Variants in VPS13B observed in about 807,000 individuals in gnomAD.
The protein encoded by VPS13B is intermembrane lipid transfer protein VPS13B.
Under a neutral mutation model 426.4 loss-of-function variants are expected in VPS13B, and 285 were observed. That is an observed-to-expected ratio of 0.67 (90% CI 0.61 to 0.74). The LOEUF is 0.74. VPS13B is among the 30% of genes least tolerant of loss of function. The pLI, the probability that VPS13B is intolerant of heterozygous loss-of-function variation, is 0.00. For missense variants in VPS13B, 4,537 were observed against 4,782.6 expected (o/e 0.95, Z 1.51); for synonymous variants, 1,676 against 1,676.4 (o/e 1.00, Z 0.01).
intron 25 of VPS13B, among the ~76,000 whole-genome samples, chr8:99,488,093 G>A (rs985359075): frequency 3.9e-5 from 6 of 152,100 alleles, no homozygotes; most frequent in East Asian, 3.8e-4. Context: ...TGCAGAGGGA[G>A]GGGAAAGAAA....
intron 3 of VPS13B, among the ~76,000 whole-genome samples, chr8:99,041,016 T>C (rs1842942891): frequency 6.6e-6 from 1 of 152,138 alleles, no homozygotes; most frequent in African/African-American, 2.4e-5. Flanking sequence ...AAAAGACACT[T>C]AGAAAAAGAG....
chr8:99,115,662 C>A, intron 6 of VPS13B, 38 bp from the exon 7 acceptor site: 3 of 1,596,624 alleles, frequency 1.9e-6, no homozygotes, highest in Non-Finnish European at 2.6e-6. Flanking sequence ...TCTTTTTAAA[C>A]ATGCGTTTGT....
intron 33 of VPS13B, among the ~76,000 whole-genome samples, chr8:99,635,923 C>T (rs1390393186): frequency 6.6e-6 from 1 of 151,956 alleles, no homozygotes; most frequent in African/African-American, 2.4e-5. Flanking sequence ...AGCTGGTAAA[C>T]TTACCTATCT....
intron 33 of VPS13B, among the ~76,000 whole-genome samples, chr8:99,583,524 G>T (rs1472514559): frequency 6.6e-6 from 1 of 151,970 alleles, no homozygotes; most frequent in Non-Finnish European, 1.5e-5. Context: ...TGTTTGGGGT[G>T]GTATTTTACT....
intron 23 of VPS13B, among the ~76,000 whole-genome samples, chr8:99,466,116 A>G (rs1819099826): frequency 6.6e-6 from 1 of 152,144 alleles, no homozygotes; most frequent in Non-Finnish European, 1.5e-5. Context: ...GAAGACCATG[A>G]GTGCAGTGTG....
At chr8:99,620,457 A>T (rs1298907851) in intron 33 of VPS13B, among the ~76,000 whole-genome samples, 1 of 152,172 alleles carries the variant, frequency 6.6e-6, no homozygotes, top group African/African-American at 2.4e-5. Context: ...AGATCTCACT[A>T]AAAGAGCTCT....
At chr8:99,728,048 T>C (rs1273925528) in intron 39 of VPS13B, among the ~76,000 whole-genome samples, 1 of 152,242 alleles carries the variant, frequency 6.6e-6, no homozygotes, top group African/African-American at 2.4e-5. Context: ...CATACACTGG[T>C]TGAGCCAACA....
chr8:99,179,345 A>G (rs1350426980), intron 16 of VPS13B, among the ~76,000 whole-genome samples: 4 of 152,186 alleles, frequency 2.6e-5, no homozygotes, highest in African/African-American at 9.6e-5. Context: ...GCTTCTTACA[A>G]TTTATATGGT....
At chr8:99,306,112 G>A (rs1315659664) in intron 19 of VPS13B, among the ~76,000 whole-genome samples, 1 of 152,088 alleles carries the variant, frequency 6.6e-6, no homozygotes, top group Non-Finnish European at 1.5e-5. Context: ...CAATTTAAGG[G>A]CATCTGGCAA....
chr8:99,273,996 A>G (rs748812513), intron 17 of VPS13B, among the ~76,000 whole-genome samples: 5 of 152,146 alleles, frequency 3.3e-5, no homozygotes, highest in Non-Finnish European at 7.3e-5. Context: ...ATGCATAAGT[A>G]TAGTTATGAG....
At chr8:99,704,067 TC>T (rs1832399979) in intron 36 of VPS13B, among the ~76,000 whole-genome samples, 1 of 152,118 alleles carries the variant, frequency 6.6e-6, no homozygotes, top group Non-Finnish European at 1.5e-5. Context: ...GGATCCCCTG[TC>T]CATAAGGACT....
At chr8:99,455,088 T>G (rs142907332) in intron 23 of VPS13B, among the ~76,000 whole-genome samples, 61 of 152,312 alleles carry the variant, frequency 4.0e-4, no homozygotes, top group African/African-American at 1.4e-3. Context: ...TGTTTTTGTT[T>G]GCAGAAATTT....
At chr8:99,257,618 A>T (rs1817822232) in intron 17 of VPS13B, among the ~76,000 whole-genome samples, 1 of 152,068 alleles carries the variant, frequency 6.6e-6, no homozygotes. Flanking sequence ...CTTTATTATG[A>T]CTTCTTTTAT....
chr8:99,577,365 T>C, intron 32 of VPS13B, 125 bp from the exon 33 acceptor site: 1 of 1,326,026 alleles, frequency 7.5e-7, no homozygotes, highest in East Asian at 2.4e-5. Context: ...CTCTTCTCCT[T>C]AATGTATGAA....
chr8:99,343,998 T>C (rs913508355), intron 19 of VPS13B, among the ~76,000 whole-genome samples: 2 of 152,172 alleles, frequency 1.3e-5, no homozygotes, highest in African/African-American at 4.8e-5. Context: ...AGACCTCAAA[T>C]AGCCAAAACG....
intron 16 of VPS13B, among the ~76,000 whole-genome samples, chr8:99,188,020 G>C (rs1438487704): frequency 6.7e-6 from 1 of 150,270 alleles, no homozygotes; most frequent in African/African-American, 2.4e-5. Flanking sequence ...AGAGGCAGGG[G>C]TGACCCTAGG....
chr8:99,531,686 G>C (rs1282052391), intron 30 of VPS13B, among the ~76,000 whole-genome samples: 1 of 151,914 alleles, frequency 6.6e-6, no homozygotes, highest in Admixed American at 6.6e-5. Context: ...TAGCAAAGTT[G>C]ACTAAGTATG....
intron 16 of VPS13B, 111 bp downstream of exon 16, chr8:99,170,274 GA>G (rs1159853149): frequency 4.4e-5 from 60 of 1,356,162 alleles, no homozygotes; most frequent in Non-Finnish European, 5.8e-5. Flanking sequence ...CAAAACTTTA[GA>G]AAAAAAATCT....
At chr8:99,200,107 G>A (rs1814215314) in intron 17 of VPS13B, among the ~76,000 whole-genome samples, 1 of 152,112 alleles carries the variant, frequency 6.6e-6, no homozygotes, top group African/African-American at 2.4e-5. Context: ...GTATGGATGT[G>A]CCTATTGTGG....
Sources: gnomAD v4.1 joint callset for allele counts (sites outside exome capture counted in the v4.1 genomes callset) on GRCh38, gnomAD v4.1.1 for gene constraint, MANE v1.5 for transcripts, NCBI Gene and HGNC (gene_info 2026-07-23, HGNC 2026-07-21) for gene names.